Variants in STMN3 observed in about 807,000 individuals in gnomAD.
STMN3 encodes the protein stathmin 3.
Under a neutral mutation model 23.2 loss-of-function variants are expected in STMN3, and 24 were observed. The observed-to-expected ratio is 1.03, with a 90% CI of 0.75 to 1.45. STMN3 has a LOEUF of 1.45. STMN3 is among the 40% of genes most tolerant of loss of function. The probability of loss-of-function intolerance (pLI) is 0.00; values close to 1 mark genes in which losing one functional copy is unlikely to be tolerated. For missense variants in STMN3, 235 were observed against 237.6 expected (o/e 0.99, Z 0.07); for synonymous variants, 117 against 103.4 (o/e 1.13, Z -0.80).
chr20:63,642,015 CCCCCGCCCCGG>C (rs2089771100), intron 4 of STMN3, 82 bp downstream of exon 4: 2 of 6,876 alleles, frequency 2.9e-4, no homozygotes, highest in Non-Finnish European at 5.9e-4. Flanking sequence ...GCTAGCCCTG[CCCCCGCCCCGG>C]CCCCTGCCCG....
chr20:63,644,041 G>A (rs2089789713), intron 2 of STMN3, 110 bp from the exon 3 acceptor site: 5 of 1,460,828 alleles, frequency 3.4e-6, no homozygotes, highest in East Asian at 2.3e-5. Context: ...GAGAGGGGGT[G>A]GCTGCTCCCG....
intron 3 of STMN3, 47 bp from the exon 4 acceptor site, chr20:63,642,346 C>T (rs762950982): frequency 3.0e-6 from 4 of 1,329,314 alleles, no homozygotes; most frequent in African/African-American, 1.5e-5. Flanking sequence ...CCGGGCCCTG[C>T]CCGGCCGGAC....
intron 3 of STMN3, 193 bp downstream of exon 3, chr20:63,643,563 G>A (rs1275259195): frequency 5.5e-6 from 5 of 904,452 alleles, no homozygotes; most frequent in Non-Finnish European, 5.3e-6. Flanking sequence ...TTACAGGCGT[G>A]AGCCACCACA....
intron 1 of STMN3, among the ~76,000 whole-genome samples, chr20:63,647,732 T>C (rs1428797852): frequency 1.7e-5 from 2 of 120,264 alleles, no homozygotes; most frequent in Non-Finnish European, 3.6e-5. Context: ...ATTATATACA[T>C]ATATATACAC....
chr20:63,646,313 G>C (rs753138719), intron 1 of STMN3, among the ~76,000 whole-genome samples: 2 of 152,040 alleles, frequency 1.3e-5, no homozygotes, highest in African/African-American at 4.8e-5. Context: ...AGGGGGACCA[G>C]GTGGGGGAGC....
intron 1 of STMN3, among the ~76,000 whole-genome samples, chr20:63,650,882 C>T (rs1332574790): frequency 2.7e-5 from 4 of 149,734 alleles, no homozygotes; most frequent in Non-Finnish European, 5.9e-5. Context: ...CCACCCCTCC[C>T]GCCCACCCGG....
At chr20:63,647,839 T>C (rs1377022974) in intron 1 of STMN3, among the ~76,000 whole-genome samples, 13 of 125,552 alleles carry the variant, frequency 1.0e-4, no homozygotes, top group African/African-American at 3.6e-4. Context: ...TACGTATATA[T>C]GTATATATTA....
At chr20:63,648,496 G>T (rs1167322800) in intron 1 of STMN3, among the ~76,000 whole-genome samples, 1 of 152,214 alleles carries the variant, frequency 6.6e-6, no homozygotes, top group Admixed American at 6.5e-5. Context: ...AGAACTTTGG[G>T]AGGCTGAGGC....
intron 1 of STMN3, among the ~76,000 whole-genome samples, chr20:63,647,522 G>A (rs1450324165): frequency 1.3e-5 from 2 of 148,208 alleles, no homozygotes; most frequent in Non-Finnish European, 3.0e-5. Flanking sequence ...AGACTGAGAC[G>A]GGAGAATCGC....
intron 2 of STMN3, 123 bp from the exon 3 acceptor site, chr20:63,644,054 G>T: frequency 7.1e-7 from 1 of 1,417,870 alleles, no homozygotes; most frequent in Non-Finnish European, 9.6e-7. Flanking sequence ...TGCTCCCGCA[G>T]GAATCCCAGG....
chr20:63,652,689 G>A lies in STMN3; in HGVS notation c.19+638C>T. The A allele has an allele frequency of 2.0e-6, 2 of 985,850 alleles. No homozygotes were observed. The highest frequency in any genetic ancestry group is 2.4e-6 in the Non-Finnish European group (2 of 830,284). The allele number at this position is 985,850 out of a possible 1,614,324, so 61.1% of individuals were successfully genotyped here. On this transcript the variant is annotated intron_variant, in intron 1 of 4. Transcript: ENST00000370053. This position sits in a 1 kb window ranked among gnomAD's most constrained non-coding sequence, Gnocchi z 5.3. ...CCCTCCCCCATCCAGACCCCGCGGC[G>A]CAAAGGGCAGTGGCTTTTCTGGCCA...
chr20:63,645,594 G>A (rs541620075), intron 1 of STMN3, among the ~76,000 whole-genome samples: 2 of 152,302 alleles, frequency 1.3e-5, no homozygotes, highest in African/African-American at 4.8e-5. Flanking sequence ...TAGCTCTTTT[G>A]GTCTATTCAG....
In STMN3 at chr20:63,644,422, C is replaced by G. The variant is rs1601057318; in HGVS notation, c.20-113G>C. On this transcript the variant is annotated intron_variant, in intron 1 of 4. Coordinates refer to ENST00000370053, the MANE Select transcript of STMN3 (RefSeq NM_015894.4). ...TGTCTCTGTGAGACACGGAGCTGCC[C>G]AGCACGCTCTCTTGTGTGTCTCCAC... The G allele has an allele frequency of 3.9e-6, 3 of 766,476 alleles. No homozygotes were observed. In the East Asian group the frequency reaches 8.1e-5, roughly 21 times the overall value. The allele number at this position is 766,476 out of a possible 1,614,324, so 47.5% of individuals were successfully genotyped here.
At position 63,642,110 on chromosome 20, in the gene STMN3, T is replaced by C; in HGVS notation, c.481A>G (p.Lys161Glu). Residue 161 changes from lysine to glutamate, a missense_variant and splice_region_variant, in exon 4 of 5, where the codon AAG becomes GAG. Transcript: ENST00000370053. ...LAALRERLREKELHAAEVRRN... is the reference protein window; with the variant it reads ...LAALRERLREEELHAAEVRRN... The stretch of plus-strand genomic sequence containing the variant: ...CCGCCCCGGCCCCGCCCCCGCACCT[T>C]CTCGCGCAGCCGCTCGCGCAGTGCG... The C allele has an allele frequency of 7.2e-7, 1 of 1,397,932 alleles. No individual in the cohort carries two copies. Among genetic ancestry groups the C allele is most frequent in the Admixed American group, 2.4e-5 (1 of 41,276 alleles). 86.6% of individuals were successfully genotyped at this position (1,397,932 alleles called of 1,614,324 possible). A position where few individuals can be genotyped will look rare whatever the true frequency, so the allele number is the denominator to read the frequency against.
In STMN3 at chr20:63,647,940, G is replaced by A. The variant is rs796791493; in HGVS notation, c.20-3631C>T. On this transcript the variant is annotated intron_variant, in intron 1 of 4. Coordinates refer to ENST00000370053, the MANE Select transcript of STMN3 (RefSeq NM_015894.4). The stretch of plus-strand genomic sequence containing the variant: ...TATTAATATATATACGTATATATGT[G>A]TGTGTGTGTATATATATATGTATAT... 8.0e-3 allele frequency among the ~76,000 whole-genome samples: 646 copies of A among 80,640 alleles called. 41 individuals are homozygous for A. Among genetic ancestry groups the A allele is most frequent in the African/African-American group, 0.031 (619 of 19,778 alleles). 52.9% of individuals were successfully genotyped at this position (80,640 alleles called of 152,430 possible). A position where few individuals can be genotyped will look rare whatever the true frequency, so the allele number is the denominator to read the frequency against.
At chr20:63,641,849 C>T in intron 4 of STMN3, among the ~76,000 whole-genome samples, 1 of 142,694 alleles carries the variant, frequency 7.0e-6, no homozygotes, top group Admixed American at 6.9e-5. Flanking sequence ...CCTAGCCCCG[C>T]CCCCGCCCAG....
intron 1 of STMN3, among the ~76,000 whole-genome samples, chr20:63,650,813 C>T (rs1383399515): frequency 1.0e-5 from 1 of 99,872 alleles, no homozygotes; most frequent in Non-Finnish European, 2.0e-5. Context: ...TCACACCTCA[C>T]GCCCACCCCT....
At position 63,652,206 on chromosome 20, in the gene STMN3, G is replaced by GGGCGGAGTTCTGCGCCCCGGGCCAAGGC; in HGVS notation, c.19+1093_19+1120dup. The GGGCGGAGTTCTGCGCCCCGGGCCAAGGC allele has an allele frequency of 6.6e-6, 1 of 152,264 alleles. No homozygotes were observed. Among genetic ancestry groups the GGGCGGAGTTCTGCGCCCCGGGCCAAGGC allele is most frequent in the Non-Finnish European group, 1.5e-5 (1 of 68,102 alleles). 9.4% of individuals were successfully genotyped at this position (152,264 alleles called of 1,614,324 possible). A position where few individuals can be genotyped will look rare whatever the true frequency, so the allele number is the denominator to read the frequency against. On this transcript the variant is annotated intron_variant, in intron 1 of 4. Coordinates refer to ENST00000370053, the MANE Select transcript of STMN3 (RefSeq NM_015894.4). The surrounding 1 kb of genome is among the most constrained non-coding windows in gnomAD (Gnocchi z 5.3). ...GGGGTCAGGTCGGGCACGCGTGGGTGGGCGGAGTTCTGCGCCCCGGGCCAA... is the reference window on the plus strand; with the variant it reads ...GGGGTCAGGTCGGGCACGCGTGGGTGGGCGGAGTTCTGCGCCCCGGGCCAAGGCGGCGGAGTTCTGCGCCCCGGGCCAA...
rs1294660231 is a variant in STMN3, at chr20:63,652,729, G to A, written c.19+598C>T. ...TTTTCTGGCCAGAGCAGGTGGCGCG[G>A]GCGTCGCAAAGGGTGGTCCCCGAGG... On this transcript the variant is annotated intron_variant, in intron 1 of 4. Transcript: ENST00000370053. The surrounding 1 kb of genome is among the most constrained non-coding windows in gnomAD (Gnocchi z 5.3). 1.3e-5 allele frequency: 13 copies of A among 985,818 alleles called. No homozygotes were observed. The highest frequency in any genetic ancestry group is 1.6e-5 in the Non-Finnish European group (13 of 830,370). 61.1% of individuals were successfully genotyped at this position (985,818 alleles called of 1,614,324 possible). A position where few individuals can be genotyped will look rare whatever the true frequency, so the allele number is the denominator to read the frequency against.
Sources: gnomAD v4.1 joint callset for allele counts (sites outside exome capture counted in the v4.1 genomes callset) on GRCh38, gnomAD v4.1.1 for gene constraint, Gnocchi (gnomAD v3.1) non-coding constraint, MANE v1.5 for transcripts, NCBI Gene and HGNC (gene_info 2026-07-23, HGNC 2026-07-21) for gene names.